Variants in PLCB1 observed in about 807,000 individuals in gnomAD.
PLCB1 encodes 1-phosphatidylinositol 4,5-bisphosphate phosphodiesterase beta-1.
In PLCB1, 46 loss-of-function variants were observed where a neutral mutation model predicts 161.8. That is an observed-to-expected ratio of 0.28 (90% CI 0.22 to 0.36). PLCB1 has a LOEUF of 0.36. Ranked by LOEUF, PLCB1 falls within the 10% of genes least tolerant of loss-of-function variation. The pLI is 1.00. For synonymous variants in PLCB1, 517 were observed against 503.7 expected (o/e 1.03, Z -0.35); for missense variants, 1,016 against 1,472.5 (o/e 0.69, Z 5.07).
At chr20:8,706,877 G>T (rs991466924) in intron 11 of PLCB1, among the ~76,000 whole-genome samples, 1 of 152,176 alleles carries the variant, frequency 6.6e-6, no homozygotes, top group Non-Finnish European at 1.5e-5. Context: ...ACAGATCTGT[G>T]AAGTGAGGTT....
At chr20:8,539,926 T>G (rs1290280841) in intron 3 of PLCB1, among the ~76,000 whole-genome samples, 11 of 152,112 alleles carry the variant, frequency 7.2e-5, no homozygotes, top group African/African-American at 2.4e-4. Context: ...TGGCTTTCTA[T>G]GTCTTAGCAA....
chr20:8,659,922 G>T (rs1600231820), intron 9 of PLCB1, among the ~76,000 whole-genome samples: 1 of 150,152 alleles, frequency 6.7e-6, no homozygotes, highest in East Asian at 2.0e-4. Context: ...AACCCAGGAG[G>T]CAGAGGTTGC....
At chr20:8,516,872 C>T (rs886308229) in intron 3 of PLCB1, among the ~76,000 whole-genome samples, 3 of 151,896 alleles carry the variant, frequency 2.0e-5, no homozygotes, top group South Asian at 2.1e-4. Flanking sequence ...CCCTTTGTTA[C>T]GGCTGTGCAG....
intron 31 of PLCB1, among the ~76,000 whole-genome samples, chr20:8,821,487 A>C (rs1490557374): frequency 2.5e-5 from 1 of 40,064 alleles, no homozygotes; most frequent in Non-Finnish European, 4.8e-5. Flanking sequence ...CAAAAAAAAA[A>C]AAAAAAAAAA....
intron 13 of PLCB1, 109 bp from the exon 14 acceptor site, chr20:8,717,562 T>C: frequency 1.3e-6 from 1 of 783,020 alleles, no homozygotes; most frequent in Non-Finnish European, 2.1e-6. Flanking sequence ...GTGTTGAAGG[T>C]AGGGAAGAAG....
chr20:8,871,117 A>G (rs1290374260), intron 31 of PLCB1, among the ~76,000 whole-genome samples: 2 of 152,246 alleles, frequency 1.3e-5, no homozygotes, highest in Non-Finnish European at 2.9e-5. Flanking sequence ...TTAGCCATAG[A>G]TTATGAAAAC....
At chr20:8,343,601 G>A (rs1166842028) in intron 2 of PLCB1, among the ~76,000 whole-genome samples, 3 of 152,068 alleles carry the variant, frequency 2.0e-5, no homozygotes, top group South Asian at 2.1e-4. Context: ...AACTGCTAAC[G>A]ATTCTCAATG....
At chr20:8,618,498 C>T (rs1381836781) in intron 3 of PLCB1, among the ~76,000 whole-genome samples, 1 of 151,182 alleles carries the variant, frequency 6.6e-6, no homozygotes, top group Non-Finnish European at 1.5e-5. Flanking sequence ...CCCCATTTTC[C>T]ACAAAAAGGA....
At chr20:8,688,179 A>C (rs748688575) in intron 10 of PLCB1, among the ~76,000 whole-genome samples, 8 of 151,784 alleles carry the variant, frequency 5.3e-5, no homozygotes, top group Non-Finnish European at 1.0e-4. Context: ...TTTTTGATGG[A>C]ATTGATTGTT....
intron 31 of PLCB1, among the ~76,000 whole-genome samples, chr20:8,826,266 C>T (rs1012574627): frequency 1.7e-4 from 26 of 152,004 alleles, no homozygotes; most frequent in East Asian, 3.9e-4. Context: ...GAGGCCGAGG[C>T]GGGTGGATCA....
At chr20:8,397,512 AC>A (rs1338296133) in intron 3 of PLCB1, among the ~76,000 whole-genome samples, 1 of 152,024 alleles carries the variant, frequency 6.6e-6, no homozygotes, top group Non-Finnish European at 1.5e-5. Context: ...ATATCCTTCC[AC>A]CCTATTCCTA....
chr20:8,610,419 TA>T (rs1244118109), intron 3 of PLCB1, among the ~76,000 whole-genome samples: 2 of 152,240 alleles, frequency 1.3e-5, no homozygotes, highest in Non-Finnish European at 2.9e-5. Flanking sequence ...ATTTTTTGGC[TA>T]TTATGAAAAA....
At chr20:8,733,446 C>G (rs1295636331) in intron 19 of PLCB1, 54 bp downstream of exon 19, 1 of 1,467,134 alleles carries the variant, frequency 6.8e-7, no homozygotes, top group Non-Finnish European at 9.5e-7. Flanking sequence ...AATTTATCTA[C>G]ATTGCATAAA....
intron 23 of PLCB1, chr20:8,750,890 C>T: frequency 7.5e-7 from 1 of 1,332,580 alleles, no homozygotes; most frequent in Non-Finnish European, 1.0e-6. Context: ...ATGTGGTGCC[C>T]ATCCAAAGCA....
At chr20:8,363,693 A>G (rs757579318) in intron 2 of PLCB1, among the ~76,000 whole-genome samples, 21 of 152,070 alleles carry the variant, frequency 1.4e-4, no homozygotes, top group Non-Finnish European at 2.9e-4. Flanking sequence ...GAGGGAGGGG[A>G]TTACACAAAG....
intron 3 of PLCB1, among the ~76,000 whole-genome samples, chr20:8,627,121 C>G (rs994559138): frequency 6.9e-6 from 1 of 143,910 alleles, no homozygotes; most frequent in Non-Finnish European, 1.5e-5. Context: ...TTAGGCAGAG[C>G]TTTGAAATGG....
chr20:8,390,097 G>A (rs1240532524), intron 3 of PLCB1, among the ~76,000 whole-genome samples: 1 of 152,084 alleles, frequency 6.6e-6, no homozygotes, highest in Non-Finnish European at 1.5e-5. Flanking sequence ...AGTACACCAC[G>A]GTACTTGTAT....
intron 9 of PLCB1, 119 bp from the exon 10 acceptor site, chr20:8,684,813 T>C (rs970151211): frequency 8.2e-5 from 53 of 645,088 alleles, no homozygotes; most frequent in Non-Finnish European, 1.3e-4. Context: ...TATTTATCCA[T>C]ACTAAAATGT....
chr20:8,464,949 CTAGA>C lies in PLCB1; in HGVS notation c.246+93502_246+93505del, dbSNP rs886764789. ...ATTTTAATTACCATATTTTTAATTC[CTAGA>C]TATTCTTTTTGCTTTATTTTAAAAT... On this transcript the variant is annotated intron_variant, in intron 3 of 31. Coordinates refer to ENST00000338037, the MANE Select transcript of PLCB1 (RefSeq NM_015192.4). Among the ~76,000 whole-genome samples, 18 of 152,038 alleles carry C rather than the reference CTAGA, an allele frequency of 1.2e-4. 1 individual carries two copies. The highest frequency in any genetic ancestry group is 9.8e-4 in the Admixed American group (15 of 15,256).
Sources: allele counts gnomAD v4.1 joint callset (sites outside exome capture counted in the v4.1 genomes callset), GRCh38; gene constraint gnomAD v4.1.1; transcripts MANE v1.5; gene names NCBI Gene and HGNC (gene_info 2026-07-23, HGNC 2026-07-21).